The following PNPLA8 variants were observed in gnomAD, a reference collection of about 807,000 sequenced individuals.
The protein encoded by PNPLA8 is patatin like domain 8, phospholipase A2.
In PNPLA8, 39 loss-of-function variants were observed where a neutral mutation model predicts 76.9. That is an observed-to-expected ratio of 0.51 (90% CI 0.39 to 0.66). The LOEUF (loss-of-function observed/expected upper bound fraction) is 0.66, where lower values mean the gene tolerates loss of function less well. Among genes scored for constraint, PNPLA8 ranks in the 30% least tolerant of loss-of-function variants. The pLI, the probability that PNPLA8 is intolerant of heterozygous loss-of-function variation, is 0.00. For missense variants in PNPLA8, 887 were observed against 918.0 expected, an observed-to-expected ratio of 0.97 and a Z score of 0.44; for synonymous variants, 301 against 307.9, an observed-to-expected ratio of 0.98 and a Z score of 0.24.
intron 4 of PNPLA8, among the ~76,000 whole-genome samples, chr7:108,507,564 T>C (rs983202183): frequency 1.3e-5 from 2 of 151,950 alleles, no homozygotes; most frequent in Non-Finnish European, 2.9e-5. Context: ...TGAGCTGGGC[T>C]GAACCTGGGA....
chr7:108,482,822 T>C (rs1001114393), intron 9 of PNPLA8, among the ~76,000 whole-genome samples: 1 of 152,244 alleles, frequency 6.6e-6, no homozygotes, highest in Non-Finnish European at 1.5e-5. Context: ...TCTTTGCTTG[T>C]ATATAGGAAT....
chr7:108,489,908 T>A (rs1006963792), intron 8 of PNPLA8, among the ~76,000 whole-genome samples: 1 of 152,202 alleles, frequency 6.6e-6, no homozygotes, highest in African/African-American at 2.4e-5. Context: ...AAGAGCCACA[T>A]TGAGACACAT....
chr7:108,510,855 G>A (rs1862866945), intron 4 of PNPLA8: 1 of 1,596,992 alleles, frequency 6.3e-7, no homozygotes, highest in Admixed American at 1.7e-5. Flanking sequence ...AACTTCCTGT[G>A]GCCCTTCAAA....
Position 108,471,213 on chromosome 7 carries a change from CT to C in PNPLA8, c.*1187del, listed in dbSNP as rs67049113. The C allele has an allele frequency of 0.1, 12,298 of 120,090 alleles. 378 individuals are homozygous for C. Among genetic ancestry groups the C allele is most frequent in the Admixed American group, 0.14 (1,601 of 11,224 alleles). The allele number at this position is 120,090 out of a possible 1,614,324, so 7.4% of individuals were successfully genotyped here. On this transcript the variant is annotated 3_prime_UTR_variant, in exon 11 of 11. Transcript: ENST00000257694. Reference sequence around the variant, plus strand: ...TAAGGTAAAACAAGCCTAACTTCTTCTTTTTTTTTTTTTTTTTTTTGAGATG... The same window carrying C: ...TAAGGTAAAACAAGCCTAACTTCTTCTTTTTTTTTTTTTTTTTTTGAGATG...
chr7:108,502,442 CAAAAAAAAAAAAAA>C (rs369261888), intron 5 of PNPLA8, 35 bp downstream of exon 5: 49 of 624,218 alleles, frequency 7.8e-5, no homozygotes, highest in African/African-American at 3.6e-4. Flanking sequence ...AACTCCATCT[CAAAAAAAAAAAAAA>C]AAAAAAAAAA....
intron 5 of PNPLA8, among the ~76,000 whole-genome samples, chr7:108,497,795 C>CGTAATAT (rs2154515658): frequency 6.6e-6 from 1 of 151,928 alleles, no homozygotes; most frequent in East Asian, 1.9e-4. Flanking sequence ...ACTAAGGCAG[C>CGTAATAT]ACATTTTAAA....
At chr7:108,489,537 G>A (rs571263837) in intron 8 of PNPLA8, among the ~76,000 whole-genome samples, 3 of 152,166 alleles carry the variant, frequency 2.0e-5, no homozygotes, top group Non-Finnish European at 4.4e-5. Flanking sequence ...ATGCTCCATA[G>A]CACTTATGTA....
At chr7:108,521,315 C>T (rs1294000195) in intron 2 of PNPLA8, among the ~76,000 whole-genome samples, 161 bp downstream of exon 2, 1 of 152,168 alleles carries the variant, frequency 6.6e-6, no homozygotes, top group Non-Finnish European at 1.5e-5. Flanking sequence ...GCTACAAACA[C>T]ACCTATAATG....
Position 108,502,582 on chromosome 7 carries a change from C to T in PNPLA8, c.1267G>A (p.Ala423Thr), listed in dbSNP as rs962485310. The change falls in exon 5 of 11, where the codon GCA becomes ACA. Residue 423 changes from alanine to threonine, a missense_variant. Transcript: ENST00000257694. ...RQIKDETLQA[A>T]VREILALIGY... ...ATTAGGGCCAAAATTTCTCTAACTGCAGCCTGAAGAGTTTCATCCTTAATT... is the reference window on the plus strand; with the variant it reads ...ATTAGGGCCAAAATTTCTCTAACTGTAGCCTGAAGAGTTTCATCCTTAATT... 1 of 1,611,608 alleles carries T rather than the reference C, an allele frequency of 6.2e-7. No homozygotes were observed. Among genetic ancestry groups the T allele is most frequent in the Non-Finnish European group, 8.5e-7 (1 of 1,178,012 alleles).
At chr7:108,490,528 A>C (rs1861073792) in intron 8 of PNPLA8, among the ~76,000 whole-genome samples, 1 of 152,250 alleles carries the variant, frequency 6.6e-6, no homozygotes, top group Non-Finnish European at 1.5e-5. Context: ...TCACGCCCGT[A>C]ATCCCAGCAC....
At chr7:108,513,319 G>T (rs1003958993) in intron 4 of PNPLA8, among the ~76,000 whole-genome samples, 5 of 151,988 alleles carry the variant, frequency 3.3e-5, no homozygotes, top group Non-Finnish European at 5.9e-5. Context: ...CCATAAAATA[G>T]TGAAGCTACC....
chr7:108,509,669 A>G (rs1862743955), intron 4 of PNPLA8, among the ~76,000 whole-genome samples: 1 of 151,904 alleles, frequency 6.6e-6, no homozygotes, highest in Admixed American at 6.6e-5. Flanking sequence ...CAGCCATTCC[A>G]TTACTGGGTA....
At chr7:108,496,842 T>A in intron 6 of PNPLA8, 87 bp from the exon 7 acceptor site, 1 of 1,059,360 alleles carries the variant, frequency 9.4e-7, no homozygotes, top group Non-Finnish European at 1.4e-6. Flanking sequence ...TTGGCTTAAA[T>A]TTTAGCGTTG....
At chr7:108,522,070 T>C (rs1863776420) in intron 1 of PNPLA8, among the ~76,000 whole-genome samples, 1 of 150,780 alleles carries the variant, frequency 6.6e-6, no homozygotes, top group African/African-American at 2.4e-5. Context: ...CCGAGGTGGG[T>C]GGATGACGAA....
chr7:108,525,950 AC>A, intron 1 of PNPLA8, 78 bp downstream of exon 1: 3 of 628,508 alleles, frequency 4.8e-6, no homozygotes, highest in Non-Finnish European at 6.0e-6. Context: ...AGAAAGGACG[AC>A]CCGGAGCGCC....
intron 5 of PNPLA8, among the ~76,000 whole-genome samples, chr7:108,499,392 C>T (rs891419974): frequency 6.6e-6 from 1 of 152,154 alleles, no homozygotes; most frequent in Non-Finnish European, 1.5e-5. Flanking sequence ...CTGTGTCTAC[C>T]ACTGTAGGTT....
chr7:108,515,333 G>A lies in PNPLA8; in HGVS notation c.159C>T (p.Asn53=). The A allele has an allele frequency of 1.9e-6, 3 of 1,613,490 alleles. No individual in the cohort carries two copies. The highest frequency in any genetic ancestry group is 2.5e-6 in the Non-Finnish European group (3 of 1,179,762). Residue 53 remains asparagine, a synonymous_variant, in exon 3 of 11, where the codon AAC becomes AAT. Transcript: ENST00000257694. ...TTTTGGTCCATTTACATCTTATTAT[G>A]TTTGTATGAAAACCTCTTTGTAGAC... ...HISLQRGFHT[N]IIRCKWTKSE... is the part of the protein sequence containing the mutation.
At position 108,514,739 on chromosome 7, in the gene PNPLA8, A is replaced by G. The variant is rs1233385935; in HGVS notation, c.753T>C (p.Pro251=). 1.9e-6 allele frequency: 3 copies of G among 1,613,502 alleles called. No homozygotes were observed. The African/African-American group carries it at 4.0e-5, about 22-fold the overall frequency. ...AGCCTGGCTTATAAGCCAGGATGCC[A>G]GGATCTGGAGATCTTAATTTCCCCT... The part of the protein sequence containing the change: ...VEEGKLRSPD[P]GILAYKPGSE... Residue 251 remains proline, a synonymous_variant, in exon 3 of 11, where the codon CCT becomes CCC. Transcript: ENST00000257694.
intron 4 of PNPLA8, among the ~76,000 whole-genome samples, chr7:108,507,873 C>A (rs916100823): frequency 6.7e-6 from 1 of 148,752 alleles, no homozygotes; most frequent in African/African-American, 2.5e-5. Context: ...GTTCAATATA[C>A]GCAAATCAAT....
Sources: gnomAD v4.1 joint callset for allele counts (sites outside exome capture counted in the v4.1 genomes callset) on GRCh38, gnomAD v4.1.1 for gene constraint, MANE v1.5 for transcripts, NCBI Gene and HGNC (gene_info 2026-07-23, HGNC 2026-07-21) for gene names.